ATF2: variants seen among roughly 807,000 people sequenced by gnomAD.
ATF2 encodes the protein activating transcription factor 2.
ATF2 carries 24 observed loss-of-function variants against 60.6 expected under a neutral mutation model. That is an observed-to-expected ratio of 0.40 (90% CI 0.29 to 0.56). The LOEUF (loss-of-function observed/expected upper bound fraction) is 0.56. Ranked by LOEUF, ATF2 falls within the 20% of genes least tolerant of loss-of-function variation. The pLI is 0.54. For missense variants in ATF2, 433 were observed against 607.7 expected (o/e 0.71, Z 3.02); for synonymous variants, 206 against 215.4 (o/e 0.96, Z 0.38).
intron 13 of ATF2, 38 bp downstream of exon 13, chr2:175,080,622 A>G (rs758583376): frequency 6.6e-7 from 1 of 1,515,978 alleles, no homozygotes; most frequent in African/African-American, 1.4e-5. Context: ...TATTTCACTG[A>G]CGTAGCCTAA....
At chr2:175,167,589 G>C in intron 1 of ATF2, 1 of 473,928 alleles carries the variant, frequency 2.1e-6, no homozygotes, top group Non-Finnish European at 4.4e-6. Context: ...CTTGAATACT[G>C]GGTGGGGAGA....
At chr2:175,119,539 G>A (rs972893763) in intron 5 of ATF2, among the ~76,000 whole-genome samples, 4 of 151,496 alleles carry the variant, frequency 2.6e-5, no homozygotes, top group African/African-American at 7.3e-5. Flanking sequence ...TGACCCACTT[G>A]TAATACAAAA....
chr2:175,135,333 G>A (rs911799987), intron 3 of ATF2, among the ~76,000 whole-genome samples: 1 of 152,128 alleles, frequency 6.6e-6, no homozygotes, highest in African/African-American at 2.4e-5. Context: ...GTCAAAAGTC[G>A]AAAGTGAATC....
chr2:175,108,415 T>TG (rs1405899133), intron 10 of ATF2, among the ~76,000 whole-genome samples: 7 of 134,032 alleles, frequency 5.2e-5, no homozygotes, highest in East Asian at 2.3e-4. Flanking sequence ...GGGAGGGAGG[T>TG]GGGGGGTCAG....
At chr2:175,093,004 C>A in intron 12 of ATF2, 57 bp downstream of exon 12, 2 of 1,564,736 alleles carry the variant, frequency 1.3e-6, no homozygotes, top group Non-Finnish European at 1.7e-6. Flanking sequence ...AAAAAAAAAT[C>A]TATGTTCACA....
intron 1 of ATF2, among the ~76,000 whole-genome samples, chr2:175,162,834 G>A (rs893009365): frequency 1.3e-5 from 2 of 152,084 alleles, no homozygotes; most frequent in African/African-American, 4.8e-5. Context: ...GTTCCGACAC[G>A]TTTAATAAAT....
In ATF2 at chr2:175,108,515, G is replaced by A. The variant is rs868848937; in HGVS notation, c.828+3053C>T. On this transcript the variant is annotated intron_variant, in intron 10 of 13. Transcript: ENST00000264110. ...GCCCCTTCCGGGAGGGAGGTGGGGG[G>A]TCAGCCCCCGCCCGGCCAGCCGCCC... Among the ~76,000 whole-genome samples, 11 of 149,294 alleles carry A rather than the reference G, an allele frequency of 7.4e-5. No homozygotes were observed. The South Asian group carries it at 1.3e-3, about 17-fold the overall frequency.
chr2:175,083,874 G>T (rs988004533), intron 12 of ATF2, among the ~76,000 whole-genome samples: 5 of 152,168 alleles, frequency 3.3e-5, no homozygotes, highest in African/African-American at 1.2e-4. Flanking sequence ...CATTTATGCA[G>T]CCAAAAGACA....
chr2:175,084,822 T>C (rs1366627624), intron 12 of ATF2, among the ~76,000 whole-genome samples: 4 of 152,088 alleles, frequency 2.6e-5, no homozygotes, highest in African/African-American at 9.7e-5. Context: ...GACTGGGAAT[T>C]TCTTGAAGGC....
intron 2 of ATF2, among the ~76,000 whole-genome samples, chr2:175,144,574 T>C (rs922198732): frequency 2.6e-5 from 4 of 152,120 alleles, no homozygotes; most frequent in African/African-American, 9.7e-5. Context: ...AAAACAAATA[T>C]AGAGTGTCTG....
intron 4 of ATF2, among the ~76,000 whole-genome samples, chr2:175,124,735 T>A (rs769273353): frequency 4.3e-4 from 65 of 152,018 alleles, no homozygotes; most frequent in Non-Finnish European, 7.5e-4. Context: ...ATAAAATGAA[T>A]CTTTATCTCC....
intron 7 of ATF2, 93 bp from the exon 8 acceptor site, chr2:175,114,961 C>T (rs1696448495): frequency 3.2e-6 from 4 of 1,233,276 alleles, no homozygotes; most frequent in Middle Eastern, 2.0e-4. Flanking sequence ...AAAGCATCTA[C>T]AGAATAATAA....
At chr2:175,127,801 T>C (rs1697440476) in intron 4 of ATF2, among the ~76,000 whole-genome samples, 1 of 152,172 alleles carries the variant, frequency 6.6e-6, no homozygotes, top group Non-Finnish European at 1.5e-5. Context: ...ATTCCCTGGT[T>C]AACCTATCTA....
At position 175,074,746 on chromosome 2, in the gene ATF2, T is replaced by C; in HGVS notation, c.1381A>G (p.Asn461Asp). 3 of 1,613,576 alleles carry C rather than the reference T, an allele frequency of 1.9e-6. No homozygotes were observed. The highest frequency in any genetic ancestry group is 2.5e-6 in the Non-Finnish European group (3 of 1,179,712). Residue 461 changes from asparagine to aspartate, a missense_variant, in exon 14 of 14, where the codon AAT becomes GAT. Physicochemically the swap from Asn to Asp is conservative, Grantham distance 23. Around this residue, in one of 5 missense-constraint regions of ATF2, gnomAD observed 114 missense variants for 104.0 expected, o/e 1.10. Transcript: ENST00000264110. ...GCCTTGGAGGTTGAACTGACTCCATTGGATGTGCTGACCGAACTATGCTGT... is the reference window on the plus strand; with the variant it reads ...GCCTTGGAGGTTGAACTGACTCCATCGGATGTGCTGACCGAACTATGCTGT... ...AIQHSSVSTS[N>D]GVSSTSKAEA...
At chr2:175,136,292 G>A (rs1355374610) in intron 3 of ATF2, 120 bp downstream of exon 3, 3 of 936,704 alleles carry the variant, frequency 3.2e-6, no homozygotes, top group Non-Finnish European at 5.1e-6. Context: ...TACTAAGTAA[G>A]TGACTTGTTT....
At chr2:175,137,638 T>A (rs1434944543) in intron 2 of ATF2, among the ~76,000 whole-genome samples, 1 of 152,182 alleles carries the variant, frequency 6.6e-6, no homozygotes, top group Non-Finnish European at 1.5e-5. Context: ...TAAAATATTA[T>A]GAGAGTAGAG....
intron 12 of ATF2, chr2:175,092,542 C>A (rs544516664): frequency 1.3e-4 from 55 of 425,592 alleles, no homozygotes; most frequent in Non-Finnish European, 2.5e-4. Context: ...CCATATTGTA[C>A]CTGGTCTGTG....
intron 10 of ATF2, among the ~76,000 whole-genome samples, chr2:175,104,741 G>A (rs1574373701): frequency 6.6e-6 from 1 of 152,136 alleles, no homozygotes; most frequent in African/African-American, 2.4e-5. Context: ...GCTTAAAAAA[G>A]TAAACCAATA....
chr2:175,092,039 T>C (rs112736642), intron 12 of ATF2, among the ~76,000 whole-genome samples: 1 of 152,214 alleles, frequency 6.6e-6, no homozygotes, highest in African/African-American at 2.4e-5. Context: ...CTATTTGTTC[T>C]ATCATGTCAA....
Sources: gnomAD v4.1 joint callset for allele counts (sites outside exome capture counted in the v4.1 genomes callset) on GRCh38, gnomAD v4.1.1 for gene constraint, gnomAD v4.1.1 regional missense constraint, MANE v1.5 for transcripts, NCBI Gene and HGNC (gene_info 2026-07-23, HGNC 2026-07-21) for gene names.